AKAP19: variants seen among roughly 807,000 people sequenced by gnomAD.
AKAP19 encodes small A-kinase anchoring protein.
the AKAP19 span, among the ~76,000 whole-genome samples, chr2:190,019,496 G>A: frequency 5.3e-5 from 8 of 152,126 alleles, no homozygotes; most frequent in Non-Finnish European, 1.2e-4. Flanking sequence ...AGCTTTGCCA[G>A]TGTATTATGT....
the AKAP19 span, among the ~76,000 whole-genome samples, chr2:189,946,654 T>G: frequency 6.6e-6 from 1 of 152,220 alleles, no homozygotes; most frequent in Non-Finnish European, 1.5e-5. Flanking sequence ...TGAAGTTATC[T>G]CTTAGATTAC....
At chr2:189,931,356 A>G in the AKAP19 span, among the ~76,000 whole-genome samples, 2 of 152,106 alleles carry the variant, frequency 1.3e-5, no homozygotes, top group African/African-American at 2.4e-5. Flanking sequence ...ACTTTGATGC[A>G]ATATTGTTAT....
At chr2:189,947,101 C>A in the AKAP19 span, among the ~76,000 whole-genome samples, 4 of 151,490 alleles carry the variant, frequency 2.6e-5, no homozygotes, top group Non-Finnish European at 4.4e-5. Context: ...ATTAAGTGAG[C>A]AAACACAAAA....
At chr2:190,166,253 C>T in the AKAP19 span, among the ~76,000 whole-genome samples, 1 of 145,284 alleles carries the variant, frequency 6.9e-6, no homozygotes, top group Non-Finnish European at 1.5e-5. Context: ...ATAAAGATTT[C>T]CAAAATTGAC....
At chr2:189,917,864 G>C in the AKAP19 span, 1 of 151,944 alleles carries the variant, frequency 6.6e-6, no homozygotes, top group African/African-American at 2.4e-5. Context: ...TGTTTCTGCT[G>C]TTTTTTATTT....
At chr2:189,947,794 CTT>C in the AKAP19 span, among the ~76,000 whole-genome samples, 1 of 152,046 alleles carries the variant, frequency 6.6e-6, no homozygotes. Flanking sequence ...CTCTAGCTGA[CTT>C]TTAGTGATTT....
At chr2:189,901,182 G>T in the AKAP19 span, among the ~76,000 whole-genome samples, 3 of 151,966 alleles carry the variant, frequency 2.0e-5, no homozygotes, top group East Asian at 5.8e-4. Context: ...GAACTTGATG[G>T]TGGTATATTT....
the AKAP19 span, among the ~76,000 whole-genome samples, chr2:190,111,730 C>T: frequency 2.6e-5 from 4 of 152,062 alleles, no homozygotes; most frequent in Admixed American, 2.6e-4. Context: ...GATCTATATC[C>T]TGGGGTTGGG....
the AKAP19 span, among the ~76,000 whole-genome samples, chr2:189,885,041 ATTCT>A: frequency 1.3e-5 from 2 of 152,196 alleles, no homozygotes; most frequent in African/African-American, 2.4e-5. Flanking sequence ...ATGGGACATC[ATTCT>A]TTATTTAGAA....
the AKAP19 span, among the ~76,000 whole-genome samples, chr2:189,963,789 G>A: frequency 0.027 from 4,146 of 150,908 alleles, 105 homozygotes; most frequent in Non-Finnish European, 0.041. Flanking sequence ...TTTGAGATAG[G>A]GTCTTGCTCT....
chr2:190,143,561 G>A, the AKAP19 span, among the ~76,000 whole-genome samples: 2 of 152,088 alleles, frequency 1.3e-5, no homozygotes, highest in Admixed American at 6.6e-5. Flanking sequence ...CTTTGAAAGC[G>A]AGAACTTCTA....
chr2:189,923,935 C>G, the AKAP19 span: 1 of 1,610,704 alleles, frequency 6.2e-7, no homozygotes, highest in Non-Finnish European at 8.5e-7. Flanking sequence ...TCCTGGAAAA[C>G]CTGGAAAAAA....
the AKAP19 span, among the ~76,000 whole-genome samples, chr2:189,908,530 C>T: frequency 6.6e-6 from 1 of 152,228 alleles, no homozygotes; most frequent in African/African-American, 2.4e-5. Flanking sequence ...ACTTTTGCTG[C>T]ATCGAATAAG....
the AKAP19 span, among the ~76,000 whole-genome samples, chr2:189,976,500 A>G: frequency 1.3e-5 from 2 of 152,146 alleles, no homozygotes; most frequent in African/African-American, 4.8e-5. Flanking sequence ...ACTCTCTTCA[A>G]AGCTGTCAGA....
the AKAP19 span, among the ~76,000 whole-genome samples, chr2:189,956,415 C>A: frequency 6.6e-6 from 1 of 151,586 alleles, no homozygotes; most frequent in African/African-American, 2.4e-5. Flanking sequence ...GTGATCCGCC[C>A]GCCTCGGCCT....
chr2:190,147,260 C>T, the AKAP19 span, among the ~76,000 whole-genome samples: 28 of 152,172 alleles, frequency 1.8e-4, no homozygotes, highest in Non-Finnish European at 3.4e-4. Context: ...AAAGGGTGTC[C>T]TTTCCCTACT....
chr2:189,982,050 T>C, the AKAP19 span, among the ~76,000 whole-genome samples: 2 of 152,186 alleles, frequency 1.3e-5, no homozygotes, highest in Non-Finnish European at 2.9e-5. Flanking sequence ...TGTTGAACTG[T>C]CTACCCAAGA....
At chr2:190,155,193 G>A in the AKAP19 span, among the ~76,000 whole-genome samples, 1 of 152,162 alleles carries the variant, frequency 6.6e-6, no homozygotes, top group Non-Finnish European at 1.5e-5. Flanking sequence ...GAGTAAGGAG[G>A]TATCTGGGAA....
chr2:189,928,750 T>C, the AKAP19 span, among the ~76,000 whole-genome samples: 1 of 152,176 alleles, frequency 6.6e-6, no homozygotes, highest in Non-Finnish European at 1.5e-5. Flanking sequence ...ATTGCAATTA[T>C]GAAGAAGCTT....
Sources: gnomAD v4.1 joint callset for allele counts (sites outside exome capture counted in the v4.1 genomes callset) on GRCh38, gnomAD v4.1.1 for gene constraint, MANE v1.5 for transcripts, NCBI Gene and HGNC (gene_info 2026-07-23, HGNC 2026-07-21) for gene names.